Variants in CCDC90B observed in about 807,000 individuals in gnomAD.
The protein encoded by CCDC90B is coiled-coil domain-containing protein 90B, mitochondrial.
A neutral mutation model predicts 37.0 loss-of-function variants in CCDC90B; 24 were observed. The observed-to-expected ratio is 0.65, with a 90% CI of 0.47 to 0.91. The LOEUF (loss-of-function observed/expected upper bound fraction) is 0.91, where lower values mean the gene tolerates loss of function less well. CCDC90B is among the 40% of genes least tolerant of loss of function. The pLI, the probability that CCDC90B is intolerant of heterozygous loss-of-function variation, is 0.00. For synonymous variants in CCDC90B, 113 were observed against 101.1 expected (o/e 1.12, Z -0.71); for missense variants, 319 against 299.0 (o/e 1.07, Z -0.49).
intron 1 of CCDC90B, 93 bp downstream of exon 1, chr11:83,285,780 C>T: frequency 1.3e-6 from 2 of 1,498,100 alleles, no homozygotes; most frequent in East Asian, 4.9e-5. Flanking sequence ...GGCGTGGCAC[C>T]TTCTCTTCCC....
At position 83,278,824 on chromosome 11, in the gene CCDC90B, C is replaced by G; in HGVS notation, c.226G>C (p.Asp76His). ...ACAATTGTTTCTGCTTGTGTTTTGTCAAATCCTGTAGGCAGCAAATAGGTA... is the reference window on the plus strand; with the variant it reads ...ACAATTGTTTCTGCTTGTGTTTTGTGAAATCCTGTAGGCAGCAAATAGGTA... ...LVQDLETHGF[D>H]KTQAETIVSA... Residue 76 changes from aspartate to histidine, a missense_variant, in exon 3 of 9, where the codon GAC becomes CAC. Physicochemically the swap from Asp to His is moderately conservative, Grantham distance 81 (BLOSUM62 -1). Coordinates refer to ENST00000529689, the MANE Select transcript of CCDC90B (RefSeq NM_021825.5). The G allele has an allele frequency of 6.2e-7, 1 of 1,610,372 alleles. No homozygotes were observed. Among genetic ancestry groups the G allele is most frequent in the African/African-American group, 1.3e-5 (1 of 74,934 alleles).
intron 3 of CCDC90B, among the ~76,000 whole-genome samples, chr11:83,275,908 C>T (rs932967189): frequency 6.6e-6 from 1 of 152,148 alleles, no homozygotes; most frequent in African/African-American, 2.4e-5. Flanking sequence ...ACATATAATG[C>T]TTAAGACAGT....
chr11:83,285,562 G>A (rs1467551707), intron 1 of CCDC90B: 3 of 1,227,154 alleles, frequency 2.4e-6, no homozygotes, highest in Non-Finnish European at 3.1e-6. Flanking sequence ...CCTTACGTTG[G>A]CTCCTGACGA....
At chr11:83,283,778 G>A (rs1340349031) in intron 1 of CCDC90B, among the ~76,000 whole-genome samples, 1 of 152,080 alleles carries the variant, frequency 6.6e-6, no homozygotes, top group South Asian at 2.1e-4. Flanking sequence ...CCTGGGCAAC[G>A]TGGGAAGATT....
intron 1 of CCDC90B, among the ~76,000 whole-genome samples, chr11:83,280,651 C>A (rs1198568685): frequency 2.6e-5 from 4 of 152,210 alleles, no homozygotes; most frequent in Non-Finnish European, 5.9e-5. Flanking sequence ...AAATTTTTTA[C>A]ACTTAATCCC....
At chr11:83,281,852 T>G (rs55767507) in intron 1 of CCDC90B, among the ~76,000 whole-genome samples, 6,518 of 152,250 alleles carry the variant, frequency 0.043, 470 homozygotes, top group African/African-American at 0.15. Context: ...CTTAAAATTC[T>G]CATTTTATGG....
At chr11:83,266,151 A>G (rs1864254731) in intron 7 of CCDC90B, among the ~76,000 whole-genome samples, 172 bp from the exon 8 acceptor site, 1 of 152,216 alleles carries the variant, frequency 6.6e-6, no homozygotes, top group African/African-American at 2.4e-5. Flanking sequence ...AAGATGGCCA[A>G]AAGGGAACAG....
At position 83,260,841 on chromosome 11, in the gene CCDC90B, C is replaced by T. The variant is rs969809027; in HGVS notation, c.*1070G>A. 4 of 151,838 alleles carry T rather than the reference C, an allele frequency of 2.6e-5. No homozygotes were observed. The highest frequency in any genetic ancestry group is 1.3e-4 in the Admixed American group (2 of 15,244). The allele number at this position is 151,838 out of a possible 1,614,324, so 9.4% of individuals were successfully genotyped here. A position where few individuals can be genotyped will look rare whatever the true frequency, so the allele number is the denominator to read the frequency against. ...ATATATCTAATAACAAAACAAAATA[C>T]GAATTTAAATTTTCCTATGAGTTTC... On this transcript the variant is annotated 3_prime_UTR_variant, in exon 9 of 9. Transcript: ENST00000529689.
At chr11:83,272,273 T>G (rs191179113) in intron 7 of CCDC90B, among the ~76,000 whole-genome samples, 4 of 152,252 alleles carry the variant, frequency 2.6e-5, no homozygotes, top group Admixed American at 2.0e-4. Flanking sequence ...TTAAAAACAC[T>G]ATAAACTGAC....
intron 1 of CCDC90B, among the ~76,000 whole-genome samples, chr11:83,282,252 T>C (rs763634840): frequency 6.6e-6 from 1 of 152,234 alleles, no homozygotes; most frequent in Admixed American, 6.5e-5. Flanking sequence ...CTGCCCAGTA[T>C]TGCAAGAATA....
chr11:83,279,796 A>G (rs1002011149), intron 2 of CCDC90B, among the ~76,000 whole-genome samples: 3 of 151,678 alleles, frequency 2.0e-5, no homozygotes, highest in African/African-American at 4.8e-5. Context: ...TACTGTTTTG[A>G]TATCAGGTAA....
In CCDC90B at chr11:83,286,238, G is replaced by A. The variant is rs1048399229; in HGVS notation, c.-266C>T. On this transcript the variant is annotated 5_prime_UTR_variant, in exon 1 of 9. Coordinates refer to ENST00000529689, the MANE Select transcript of CCDC90B (RefSeq NM_021825.5). Reference sequence around the variant, plus strand: ...CCTTTGAACGCCTTCACCGCCCTAGGAAAGCGAGATCTTGTCAGAGAACCT... The same window carrying A: ...CCTTTGAACGCCTTCACCGCCCTAGAAAAGCGAGATCTTGTCAGAGAACCT... The A allele has an allele frequency of 1.3e-4, 197 of 1,497,042 alleles. No homozygotes were observed. Among genetic ancestry groups the A allele is most frequent in the Non-Finnish European group, 1.7e-4 (188 of 1,115,006 alleles). 92.7% of individuals were successfully genotyped at this position (1,497,042 alleles called of 1,614,324 possible). A position where few individuals can be genotyped will look rare whatever the true frequency, so the allele number is the denominator to read the frequency against.
At chr11:83,273,591 C>T in intron 7 of CCDC90B, 56 bp downstream of exon 7, 1 of 1,299,668 alleles carries the variant, frequency 7.7e-7, no homozygotes, top group South Asian at 1.4e-5. Context: ...CACATAAAAG[C>T]AGTTATACAA....
Position 83,262,062 on chromosome 11 carries a change from C to A in CCDC90B, c.710-96G>T, listed in dbSNP as rs1863958323. ...TTATCTTTAAGTGAAGAGCAAAAAACAGGAAATCCAACCAATTTTCTATCC... is the reference window on the plus strand; with the variant it reads ...TTATCTTTAAGTGAAGAGCAAAAAAAAGGAAATCCAACCAATTTTCTATCC... On this transcript the variant is annotated intron_variant, in intron 8 of 8. Transcript: ENST00000529689. The A allele has an allele frequency of 1.5e-5, 12 of 809,260 alleles. No homozygotes were observed. In the South Asian group the frequency reaches 2.4e-4, roughly 16 times the overall value. The allele number at this position is 809,260 out of a possible 1,614,324, so 50.1% of individuals were successfully genotyped here. A position where few individuals can be genotyped will look rare whatever the true frequency, so the allele number is the denominator to read the frequency against.
chr11:83,280,031 T>C (rs1865292787), intron 2 of CCDC90B, 110 bp downstream of exon 2: 1 of 1,018,544 alleles, frequency 9.8e-7, no homozygotes, highest in African/African-American at 1.6e-5. Context: ...ATTGTATGGA[T>C]GGTACATCTA....
chr11:83,283,678 C>T (rs1865521214), intron 1 of CCDC90B, among the ~76,000 whole-genome samples: 1 of 152,214 alleles, frequency 6.6e-6, no homozygotes, highest in Admixed American at 6.5e-5. Context: ...AATGTCTTTA[C>T]AGGCCGGGTG....
In CCDC90B at chr11:83,265,926, T is replaced by G; in HGVS notation, c.648A>C (p.Glu216Asp). The change falls in exon 8 of 9, where the codon GAA becomes GAC. Residue 216 changes from glutamate (E) to aspartate (D), a missense_variant. Coordinates refer to ENST00000529689, the MANE Select transcript of CCDC90B (RefSeq NM_021825.5). Reference protein sequence around the residue: ...ISETSNKIDAEIASLKTLMES... With the variant: ...ISETSNKIDADIASLKTLMES... ...CCATCAGTGTTTTTAAGGAAGCAAT[T>G]TCAGCGTCAATTTTATTACTGGTCT... The G allele has an allele frequency of 6.2e-7, 1 of 1,612,866 alleles. No homozygotes were observed. The highest frequency in any genetic ancestry group is 2.2e-5 in the East Asian group (1 of 44,834).
At chr11:83,266,585 TAAAC>T (rs1864289112) in intron 7 of CCDC90B, among the ~76,000 whole-genome samples, 2 of 152,116 alleles carry the variant, frequency 1.3e-5, no homozygotes, top group South Asian at 4.1e-4. Context: ...CTTGAGTAGG[TAAAC>T]AAAGTGGCAG....
At chr11:83,270,695 A>G (rs1281172271) in intron 7 of CCDC90B, among the ~76,000 whole-genome samples, 1 of 152,226 alleles carries the variant, frequency 6.6e-6, no homozygotes, top group East Asian at 1.9e-4. Flanking sequence ...GATAGGAAGA[A>G]TCAATATTGT....
Sources: gnomAD v4.1 joint callset for allele counts (sites outside exome capture counted in the v4.1 genomes callset) on GRCh38, gnomAD v4.1.1 for gene constraint, MANE v1.5 for transcripts, NCBI Gene and HGNC (gene_info 2026-07-23, HGNC 2026-07-21) for gene names.